ATP13A5: variants seen among roughly 807,000 people sequenced by gnomAD.
ATP13A5 encodes the protein ATPase 13A5, also known as probable cation-transporting ATPase 13A5.
ATP13A5 carries 149 observed loss-of-function variants against 150.2 expected under a neutral mutation model. The ratio of observed to expected loss-of-function variants is 0.99; its 90% CI spans 0.87 to 1.14. The LOEUF (loss-of-function observed/expected upper bound fraction) is 1.14. Among genes scored for constraint, ATP13A5 ranks in the 50% most tolerant of loss-of-function variants. ATP13A5 has a pLI of 0.00. For missense variants in ATP13A5, 1,383 were observed against 1,449.3 expected (o/e 0.95, Z 0.74); for synonymous variants, 497 against 522.2 (o/e 0.95, Z 0.66).
intron 23 of ATP13A5, among the ~76,000 whole-genome samples, chr3:193,302,751 G>A (rs1200516088): frequency 4.6e-5 from 7 of 152,160 alleles, no homozygotes; most frequent in South Asian, 4.1e-4. Flanking sequence ...ATGAAAATCC[G>A]TGGATTTGAT....
At chr3:193,326,519 AGG>A (rs1191463757) in intron 13 of ATP13A5, among the ~76,000 whole-genome samples, 6 of 152,338 alleles carry the variant, frequency 3.9e-5, no homozygotes, top group African/African-American at 9.6e-5. Flanking sequence ...TATAAAAGTC[AGG>A]ACTTTGTGTT....
intron 1 of ATP13A5, among the ~76,000 whole-genome samples, chr3:193,369,228 C>A (rs1713357697): frequency 6.6e-6 from 1 of 151,876 alleles, no homozygotes; most frequent in Non-Finnish European, 1.5e-5. Flanking sequence ...AACAGTGAGA[C>A]CCTGTCTCTA....
rs769647498 is a variant in ATP13A5, at chr3:193,311,835, A to G, written c.2426T>C (p.Phe809Ser). 6.2e-7 allele frequency: 1 copy of G among 1,613,900 alleles called. No homozygotes were observed. Among genetic ancestry groups the G allele is most frequent in the South Asian group, 1.1e-5 (1 of 91,064 alleles). Residue 809 changes from phenylalanine (F) to serine (S), a missense_variant, in exon 20 of 30, where the codon TTC becomes TCC. Physicochemically the swap from Phe to Ser is radical, Grantham distance 155 (BLOSUM62 -2). Around this residue, in one of 3 missense-constraint regions of ATP13A5, gnomAD observed 568 missense variants for 621.5 expected, o/e 0.91. Coordinates refer to ENST00000342358, the MANE Select transcript of ATP13A5 (RefSeq NM_198505.4). ...ACTTACTTTTGGAAGCAAGCTGTTG[A>G]AATGCTGAAATATCACTTGGTATGA... ...GKSYQVIFQHFNSLLPKILVN... is the reference protein window; with the variant it reads ...GKSYQVIFQHSNSLLPKILVN...
At chr3:193,283,830 TGA>T (rs1717602573) in intron 27 of ATP13A5, among the ~76,000 whole-genome samples, 2 of 151,300 alleles carry the variant, frequency 1.3e-5, no homozygotes, top group East Asian at 3.9e-4. Context: ...GCCAATTGCT[TGA>T]TAGGGTGACC....
At chr3:193,305,416 G>A (rs1418335686) in intron 23 of ATP13A5, 143 bp downstream of exon 23, 4 of 714,952 alleles carry the variant, frequency 5.6e-6, no homozygotes, top group Non-Finnish European at 9.8e-6. Context: ...AACACTAATG[G>A]CCCCCTTCAT....
chr3:193,336,627 A>T (rs1336663227), intron 9 of ATP13A5, among the ~76,000 whole-genome samples: 1 of 152,150 alleles, frequency 6.6e-6, no homozygotes, highest in East Asian at 1.9e-4. Flanking sequence ...TTCTTAATCC[A>T]TTCTATCATT....
chr3:193,321,610 G>C, intron 16 of ATP13A5, 71 bp downstream of exon 16: 2 of 1,544,534 alleles, frequency 1.3e-6, no homozygotes, highest in Non-Finnish European at 1.8e-6. Context: ...CAGCCTTGGG[G>C]ACAGAGCAAG....
At chr3:193,276,710 T>C in intron 29 of ATP13A5, 40 bp downstream of exon 29, 1 of 1,429,782 alleles carries the variant, frequency 7.0e-7, no homozygotes, top group Non-Finnish European at 9.7e-7. Context: ...AGATCCTTAA[T>C]TTGTTTATCT....
chr3:193,276,594 A>C (rs986059219), intron 29 of ATP13A5, among the ~76,000 whole-genome samples, 156 bp downstream of exon 29: 3 of 152,206 alleles, frequency 2.0e-5, no homozygotes, highest in Non-Finnish European at 2.9e-5. Flanking sequence ...CATTCCCCCC[A>C]AAATTTTCCT....
rs1294303658 is a variant in ATP13A5 at position 193,321,749 on chromosome 3, T to C, written c.1847A>G (p.Glu616Gly). 6.2e-7 allele frequency: 1 copy of C among 1,614,168 alleles called. No individual in the cohort carries two copies. Among genetic ancestry groups the C allele is most frequent in the Non-Finnish European group, 8.5e-7 (1 of 1,180,010 alleles). ...RMSVIAQLAGENHFHVYMKGA... is the reference protein window; with the variant it reads ...RMSVIAQLAGGNHFHVYMKGA... ...TTTCATGTAGACATGGAAATGATTC[T>C]CCCCAGCTAGCTGAGCGATCACGGA... The change falls in exon 16 of 30, where the codon GAG (glutamate) becomes GGG (glycine). Residue 616 changes from glutamate to glycine, a missense_variant. Physicochemically the swap from Glu to Gly is moderately conservative, Grantham distance 98. Transcript: ENST00000342358.
At chr3:193,332,769 A>G (rs1381265026) in intron 11 of ATP13A5, among the ~76,000 whole-genome samples, 1 of 152,064 alleles carries the variant, frequency 6.6e-6, no homozygotes, top group Non-Finnish European at 1.5e-5. Flanking sequence ...TCTGACCCAC[A>G]AGAAGTTGGG....
Position 193,314,111 on chromosome 3 carries a change from G to T in ATP13A5, c.2241C>A (p.Ala747=). The stretch of plus-strand genomic sequence containing the variant: ...CAGGAACAAATTCTTCTGGTTCATC[G>T]GCCTCAACAATGATCACTTGGCTGC... The part of the protein sequence containing the change: ...PPGSQVIIVE[A]DEPEEFVPAS... Residue 747 remains alanine, a synonymous_variant, in exon 19 of 30, where the codon GCC becomes GCA. Transcript: ENST00000342358. The T allele has an allele frequency of 6.2e-7, 1 of 1,613,844 alleles. No homozygotes were observed. The highest frequency in any genetic ancestry group is 8.5e-7 in the Non-Finnish European group (1 of 1,179,872).
intron 27 of ATP13A5, among the ~76,000 whole-genome samples, chr3:193,280,387 TCTTCAAAGAGTAATACTCCCTTAC>T (rs1426897358): frequency 6.6e-6 from 1 of 152,146 alleles, no homozygotes; most frequent in Non-Finnish European, 1.5e-5. Flanking sequence ...TACCACTTCC[TCTTCAAAGAGTAATACTCCCTTAC>T]AAAAGCTTAT....
Position 193,351,055 on chromosome 3 carries a change from T to A in ATP13A5, c.741+12A>T. 6.2e-7 allele frequency: 1 copy of A among 1,612,492 alleles called. No homozygotes were observed. The highest frequency in any genetic ancestry group is 1.1e-5 in the South Asian group (1 of 90,888). On this transcript the variant is annotated intron_variant, in intron 7 of 29. Coordinates refer to ENST00000342358, the MANE Select transcript of ATP13A5 (RefSeq NM_198505.4). ...AAGCTAAATAGAATCTGGCTGTGAT[T>A]TCAGGTCTTACCTGTCGCAAATCAT...
intron 1 of ATP13A5, among the ~76,000 whole-genome samples, chr3:193,376,936 C>T (rs1245496045): frequency 6.6e-6 from 1 of 152,148 alleles, no homozygotes; most frequent in Non-Finnish European, 1.5e-5. Context: ...GAGCCATCTC[C>T]CCTTCCCCAC....
intron 28 of ATP13A5, 83 bp downstream of exon 28, chr3:193,279,283 A>G: frequency 2.8e-6 from 3 of 1,088,434 alleles, no homozygotes; most frequent in Non-Finnish European, 4.2e-6. Context: ...AAGAGAATAC[A>G]GTAATAATTG....
chr3:193,277,108 A>C (rs1228131484), intron 28 of ATP13A5, among the ~76,000 whole-genome samples: 1 of 152,216 alleles, frequency 6.6e-6, no homozygotes, highest in East Asian at 1.9e-4. Flanking sequence ...AATACGAGAC[A>C]GGACATTTTG....
intron 20 of ATP13A5, 65 bp from the exon 21 acceptor site, chr3:193,310,782 C>T (rs1718814547): frequency 7.6e-7 from 1 of 1,312,840 alleles, no homozygotes; most frequent in Non-Finnish European, 1.1e-6. Context: ...AATAAAAGAA[C>T]AGCCCTGAAA....
chr3:193,277,279 C>T (rs1717263027), intron 28 of ATP13A5, among the ~76,000 whole-genome samples: 1 of 152,216 alleles, frequency 6.6e-6, no homozygotes, highest in Non-Finnish European at 1.5e-5. Context: ...TTGATTGAGA[C>T]TAGATGCAGA....
Sources: gnomAD v4.1 joint callset for allele counts (sites outside exome capture counted in the v4.1 genomes callset) on GRCh38, gnomAD v4.1.1 for gene constraint, gnomAD v4.1.1 regional missense constraint, MANE v1.5 for transcripts, NCBI Gene and HGNC (gene_info 2026-07-23, HGNC 2026-07-21) for gene names.